CREB3L1: variants seen among roughly 807,000 people sequenced by gnomAD.
The protein encoded by CREB3L1 is cyclic AMP-responsive element-binding protein 3-like protein 1.
In CREB3L1, 33 loss-of-function variants were observed where a neutral mutation model predicts 54.5. That is an observed-to-expected ratio of 0.61 (90% confidence interval 0.46 to 0.81). The LOEUF is 0.81. Among genes scored for constraint, CREB3L1 ranks in the 30% least tolerant of loss-of-function variants. The pLI, the probability that CREB3L1 is intolerant of heterozygous loss-of-function variation, is 0.00. For missense variants in CREB3L1, 656 were observed against 673.3 expected, an observed-to-expected ratio of 0.97 and a Z score of 0.29; for synonymous variants, 284 against 286.4, an observed-to-expected ratio of 0.99 and a Z score of 0.08.
chr11:46,310,457 C>T (rs575836666), intron 4 of CREB3L1, among the ~76,000 whole-genome samples: 6 of 151,908 alleles, frequency 3.9e-5, no homozygotes, highest in Non-Finnish European at 7.4e-5. Context: ...TTAGTAGAGA[C>T]GGGGTTTGGC....
chr11:46,299,794 A>G, intron 1 of CREB3L1, 141 bp from the exon 2 acceptor site: 1 of 662,184 alleles, frequency 1.5e-6, no homozygotes, highest in South Asian at 1.7e-5. Flanking sequence ...TGTTGCTGAT[A>G]TTAATGGGAA....
intron 9 of CREB3L1, among the ~76,000 whole-genome samples, chr11:46,317,057 A>G (rs1260599709): frequency 1.3e-5 from 2 of 151,930 alleles, no homozygotes; most frequent in East Asian, 3.9e-4. Flanking sequence ...ACCTGCACCT[A>G]TTCCTTCCTT....
At chr11:46,303,872 G>A (rs1939336725) in intron 2 of CREB3L1, among the ~76,000 whole-genome samples, 1 of 152,106 alleles carries the variant, frequency 6.6e-6, no homozygotes, top group Non-Finnish European at 1.5e-5. Flanking sequence ...CAGGCATGGT[G>A]GCACATGCCT....
chr11:46,281,951 AT>A (rs1347788905), intron 1 of CREB3L1, among the ~76,000 whole-genome samples: 1 of 152,172 alleles, frequency 6.6e-6, no homozygotes, highest in Non-Finnish European at 1.5e-5. Context: ...CAGGGTGCCT[AT>A]TCAGAAAGGA....
rs144263134 is a variant in CREB3L1, at chr11:46,320,338, A to G, written c.1333A>G (p.Met445Val). ...AGATGGCCGCAGCACCCTGCTGCCCATGGAGCCCCCAGATGGCTGGGAAAT... is the reference window on the plus strand; with the variant it reads ...AGATGGCCGCAGCACCCTGCTGCCCGTGGAGCCCCCAGATGGCTGGGAAAT... ...WEDGRSTLLP[M>V]EPPDGWEINP... The change falls in exon 11 of 12, where the codon ATG becomes GTG. Residue 445 changes from methionine (M) to valine (V), a missense_variant. Met to Val is a conservative substitution (Grantham distance 21). Coordinates refer to ENST00000621158, the MANE Select transcript of CREB3L1 (RefSeq NM_052854.4). 681 of 1,612,778 alleles carry G rather than the reference A, an allele frequency of 4.2e-4. 2 individuals carry two copies. In the African/African-American group the frequency reaches 7.4e-3, roughly 17 times the overall value.
At chr11:46,292,686 G>A (rs1224089916) in intron 1 of CREB3L1, among the ~76,000 whole-genome samples, 1 of 152,174 alleles carries the variant, frequency 6.6e-6, no homozygotes, top group African/African-American at 2.4e-5. Context: ...GAGTGTAGTG[G>A]TGTAATCATA....
rs1590354770 is a variant in CREB3L1 at position 46,320,708 on chromosome 11, A to G, written c.1524-2A>G. ...CATCGCTGGCCTCTCTTCTCTCTCCAGGGATCTGGGCCCCAACACCACCAT... is the reference window on the plus strand; with the variant it reads ...CATCGCTGGCCTCTCTTCTCTCTCCGGGGATCTGGGCCCCAACACCACCAT... On this transcript the variant is annotated splice_acceptor_variant, in intron 11 of 11. Coordinates refer to ENST00000621158, the MANE Select transcript of CREB3L1 (RefSeq NM_052854.4). LOFTEE classifies it high-confidence loss of function. The G allele has an allele frequency of 6.2e-7, 1 of 1,611,548 alleles. No homozygotes were observed. The highest frequency in any genetic ancestry group is 8.5e-7 in the Non-Finnish European group (1 of 1,178,864).
intron 1 of CREB3L1, among the ~76,000 whole-genome samples, chr11:46,288,948 G>A (rs539280018): frequency 6.6e-6 from 1 of 152,306 alleles, no homozygotes; most frequent in South Asian, 2.1e-4. Context: ...TTTATCCTTT[G>A]AAGCTTAAAT....
intron 1 of CREB3L1, among the ~76,000 whole-genome samples, chr11:46,282,640 C>T (rs1281492857): frequency 6.6e-6 from 1 of 152,186 alleles, no homozygotes; most frequent in East Asian, 1.9e-4. Context: ...TTAGGGAACG[C>T]TCCCTGACTA....
chr11:46,278,302 C>A lies in CREB3L1; in HGVS notation c.102+89C>A. 1 of 753,022 alleles carries A rather than the reference C, an allele frequency of 1.3e-6. No homozygotes were observed. The allele number at this position is 753,022 out of a possible 1,614,324, so 46.6% of individuals were successfully genotyped here. On this transcript the variant is annotated intron_variant, in intron 1 of 11. Transcript: ENST00000621158. This position sits in a 1 kb window ranked among gnomAD's most constrained non-coding sequence, Gnocchi z 4.2. ...CCCCTAGAAGGACCCGACTACACAT[C>A]ACTGGGCAGGAGCCGGGGAGAGGGT...
At chr11:46,290,957 T>A (rs1267988822) in intron 1 of CREB3L1, among the ~76,000 whole-genome samples, 3 of 152,126 alleles carry the variant, frequency 2.0e-5, no homozygotes, top group Admixed American at 2.0e-4. Flanking sequence ...CCCACTGGCC[T>A]GGGGGCCACT....
chr11:46,308,132 G>A, intron 3 of CREB3L1, 132 bp downstream of exon 3: 2 of 855,662 alleles, frequency 2.3e-6, no homozygotes, highest in Non-Finnish European at 1.7e-6. Flanking sequence ...CTGAGGGTGG[G>A]AAGCCCCCGC....
rs72910047 is a variant in CREB3L1 at position 46,298,426 on chromosome 11, G to A, written c.103-1509G>A. ...ATAGAAACATTTATTGGACAGGCAC[G>A]GTGGCCTACACCTGTAATCCCAGCA... On this transcript the variant is annotated intron_variant, in intron 1 of 11. Transcript: ENST00000621158. 4.2e-3 allele frequency among the ~76,000 whole-genome samples: 633 copies of A among 152,328 alleles called. 3 individuals carry two copies. The highest frequency in any genetic ancestry group is 5.1e-3 in the Non-Finnish European group (344 of 68,036).
At chr11:46,304,795 G>T (rs368060229) in intron 2 of CREB3L1, among the ~76,000 whole-genome samples, 1 of 151,982 alleles carries the variant, frequency 6.6e-6, no homozygotes, top group African/African-American at 2.4e-5. Context: ...GGCCTCAAGC[G>T]ATCCTCCCAC....
chr11:46,310,182 T>A, intron 4 of CREB3L1, 115 bp downstream of exon 4: 1 of 734,000 alleles, frequency 1.4e-6, no homozygotes, highest in East Asian at 2.7e-5. Flanking sequence ...ACCCAGAATA[T>A]CCTCTCCACC....
At chr11:46,283,461 A>G (rs1412160006) in intron 1 of CREB3L1, among the ~76,000 whole-genome samples, 1 of 152,236 alleles carries the variant, frequency 6.6e-6, no homozygotes, top group African/African-American at 2.4e-5. Context: ...GCCTGAGCAT[A>G]GAACAGAAGT....
Position 46,277,937 on chromosome 11 carries a change from G to A in CREB3L1, c.-175G>A. The A allele has an allele frequency of 5.0e-6, 2 of 399,374 alleles. No homozygotes were observed. The highest frequency in any genetic ancestry group is 2.1e-4 in the South Asian group (2 of 9,696). 24.7% of individuals were successfully genotyped at this position (399,374 alleles called of 1,614,324 possible). A position where few individuals can be genotyped will look rare whatever the true frequency, so the allele number is the denominator to read the frequency against. On this transcript the variant is annotated 5_prime_UTR_variant, in exon 1 of 12. Coordinates refer to ENST00000621158, the MANE Select transcript of CREB3L1 (RefSeq NM_052854.4). ...AGCCGCTGCCCTAAGGCCCCCGCGC[G>A]CCCCGCGCCCCCCACCCGGGGCCGC... is the stretch of plus-strand genomic sequence containing the variant.
In CREB3L1 at chr11:46,293,723, A is replaced by T. The variant is rs374311645; in HGVS notation, c.103-6212A>T. On this transcript the variant is annotated intron_variant, in intron 1 of 11. Transcript: ENST00000621158. ...TCCCAAATCTCCCTCACTGGTGTTCACATGACTCAGTCATCTCAGGCACTG... is the reference window on the plus strand; with the variant it reads ...TCCCAAATCTCCCTCACTGGTGTTCTCATGACTCAGTCATCTCAGGCACTG... 5.9e-5 allele frequency among the ~76,000 whole-genome samples: 9 copies of T among 152,320 alleles called. No homozygotes were observed. The South Asian group carries it at 1.9e-3, about 32-fold the overall frequency.
At chr11:46,299,290 G>C (rs992353749) in intron 1 of CREB3L1, among the ~76,000 whole-genome samples, 2 of 152,196 alleles carry the variant, frequency 1.3e-5, no homozygotes, top group East Asian at 3.9e-4. Flanking sequence ...AACCTAAATA[G>C]TAGGGCTCCG....
Sources: allele counts gnomAD v4.1 joint callset (sites outside exome capture counted in the v4.1 genomes callset), GRCh38; gene constraint gnomAD v4.1.1; non-coding constraint Gnocchi (gnomAD v3.1); transcripts MANE v1.5; gene names NCBI Gene and HGNC (gene_info 2026-07-23, HGNC 2026-07-21).